ANKS1B: variants seen among roughly 807,000 people sequenced by gnomAD.
The protein encoded by ANKS1B is ankyrin repeat and sterile alpha motif domain containing 1B, also known as ankyrin repeat and sterile alpha motif domain-containing protein 1B.
A neutral mutation model predicts 148.3 loss-of-function variants in ANKS1B; 36 were observed. The observed-to-expected ratio is 0.24, with a 90% CI of 0.19 to 0.32. ANKS1B has a LOEUF of 0.32. Among genes scored for constraint, ANKS1B ranks in the 10% least tolerant of loss-of-function variants. ANKS1B has a pLI of 1.00. For missense variants in ANKS1B, 1,157 were observed against 1,542.6 expected (o/e 0.75, Z 4.19); for synonymous variants, 542 against 560.8 (o/e 0.97, Z 0.47).
At chr12:98,798,818 T>C in intron 22 of ANKS1B, 116 bp downstream of exon 22, 1 of 765,076 alleles carries the variant, frequency 1.3e-6, no homozygotes, top group Non-Finnish European at 2.1e-6. Context: ...GTAATACCAA[T>C]GTGATTCAGC....
At chr12:99,838,764 T>G (rs1048939857) in intron 1 of ANKS1B, among the ~76,000 whole-genome samples, 5 of 152,144 alleles carry the variant, frequency 3.3e-5, no homozygotes, top group Non-Finnish European at 7.4e-5. Context: ...TGAAATTTTT[T>G]AATTTCTCTC....
chr12:99,049,996 C>G (rs1430149331), intron 17 of ANKS1B, among the ~76,000 whole-genome samples: 1 of 152,182 alleles, frequency 6.6e-6, no homozygotes, highest in African/African-American at 2.4e-5. Flanking sequence ...CAATCTGGTT[C>G]CCTTAAAACT....
intron 1 of ANKS1B, among the ~76,000 whole-genome samples, chr12:99,955,073 C>T (rs947580688): frequency 6.6e-6 from 1 of 152,168 alleles, no homozygotes; most frequent in Non-Finnish European, 1.5e-5. Context: ...CTTGGGCCAT[C>T]TGACACCTAA....
intron 20 of ANKS1B, among the ~76,000 whole-genome samples, chr12:98,802,594 CTTTTTTTTTTTTTTTTTTT>C (rs397850118): frequency 2.6e-4 from 9 of 34,758 alleles, no homozygotes; most frequent in Admixed American, 1.6e-3. Flanking sequence ...AATGCACAGG[CTTTTTTTTTTTTTTTTTTT>C]TTTTTTTTTT....
chr12:99,901,719 T>C (rs1426897974), intron 1 of ANKS1B, among the ~76,000 whole-genome samples: 1 of 152,208 alleles, frequency 6.6e-6, no homozygotes, highest in Non-Finnish European at 1.5e-5. Flanking sequence ...CAGTGCTTTC[T>C]ACTACATTAT....
chr12:98,909,588 T>C (rs1022333010), intron 17 of ANKS1B, among the ~76,000 whole-genome samples: 1 of 152,154 alleles, frequency 6.6e-6, no homozygotes, highest in African/African-American at 2.4e-5. Flanking sequence ...AAGGATAAGA[T>C]GAATTGACTT....
chr12:99,452,024 A>C (rs1470725689), intron 10 of ANKS1B, among the ~76,000 whole-genome samples: 2 of 152,140 alleles, frequency 1.3e-5, no homozygotes, highest in African/African-American at 4.8e-5. Context: ...ACAATTCATG[A>C]AGCACAATTT....
chr12:99,222,996 A>G (rs2085351935), intron 14 of ANKS1B, among the ~76,000 whole-genome samples: 1 of 152,230 alleles, frequency 6.6e-6, no homozygotes, highest in Non-Finnish European at 1.5e-5. Context: ...TCATCTGTAC[A>G]CACATACATA....
At chr12:99,939,095 T>A (rs1199459978) in intron 1 of ANKS1B, among the ~76,000 whole-genome samples, 2 of 152,152 alleles carry the variant, frequency 1.3e-5, no homozygotes, top group African/African-American at 4.8e-5. Context: ...GGTTCTTTTT[T>A]AAAAAATTTC....
chr12:99,329,157 T>G (rs1206925776), intron 12 of ANKS1B, among the ~76,000 whole-genome samples: 1 of 151,924 alleles, frequency 6.6e-6, no homozygotes, highest in Non-Finnish European at 1.5e-5. Flanking sequence ...GTTTGGGGTA[T>G]GAGGACAGAA....
rs1358393260 is a variant in ANKS1B, at chr12:98,744,436, T to G, written c.*1303A>C. 1.3e-6 allele frequency: 1 copy of G among 797,442 alleles called. No homozygotes were observed. Among genetic ancestry groups the G allele is most frequent in the Non-Finnish European group, 1.5e-6 (1 of 658,378 alleles). The allele number at this position is 797,442 out of a possible 1,614,324, so 49.4% of individuals were successfully genotyped here. ...ATCGCTATAATGAACTTCAAAATGA[T>G]TCACAATATGATTGTTAGAACAATA... On this transcript the variant is annotated 3_prime_UTR_variant, in exon 27 of 27. Coordinates refer to ENST00000683438, the MANE Select transcript of ANKS1B (RefSeq NM_001352186.2).
chr12:98,941,695 G>T (rs1261579319), intron 17 of ANKS1B, among the ~76,000 whole-genome samples: 1 of 152,220 alleles, frequency 6.6e-6, no homozygotes, highest in Non-Finnish European at 1.5e-5. Flanking sequence ...CGGGACTATG[G>T]TGACATAAAC....
intron 17 of ANKS1B, among the ~76,000 whole-genome samples, chr12:98,968,920 G>C (rs1433372424): frequency 6.6e-6 from 1 of 152,158 alleles, no homozygotes. Context: ...GCACAGTAGA[G>C]ATATGTTAAT....
intron 10 of ANKS1B, among the ~76,000 whole-genome samples, chr12:99,467,626 G>T (rs997751854): frequency 1.1e-4 from 16 of 152,220 alleles, no homozygotes; most frequent in African/African-American, 3.9e-4. Context: ...AAAATCACAA[G>T]CATTCTTATA....
At chr12:98,898,084 T>G (rs2099767312) in intron 17 of ANKS1B, among the ~76,000 whole-genome samples, 1 of 152,104 alleles carries the variant, frequency 6.6e-6, no homozygotes, top group Non-Finnish European at 1.5e-5. Context: ...GGACTGAAAC[T>G]GAAAAATTAC....
chr12:99,518,699 T>G (rs904402592), intron 9 of ANKS1B, among the ~76,000 whole-genome samples: 1 of 152,114 alleles, frequency 6.6e-6, no homozygotes, highest in African/African-American at 2.4e-5. Context: ...ACTGATATCT[T>G]GTATGGATTT....
At chr12:99,864,802 C>G (rs949363702) in intron 1 of ANKS1B, among the ~76,000 whole-genome samples, 14 of 152,170 alleles carry the variant, frequency 9.2e-5, no homozygotes, top group African/African-American at 3.4e-4. Context: ...TTAGGTAAGT[C>G]TTCCTTCTGA....
chr12:99,207,318 T>C (rs2082791357), intron 14 of ANKS1B, among the ~76,000 whole-genome samples: 1 of 152,172 alleles, frequency 6.6e-6, no homozygotes, highest in African/African-American at 2.4e-5. Context: ...GCTGAACTTG[T>C]CATAGTTTAA....
At chr12:99,298,213 C>T (rs1302723573) in intron 12 of ANKS1B, among the ~76,000 whole-genome samples, 4 of 152,142 alleles carry the variant, frequency 2.6e-5, no homozygotes, top group Admixed American at 6.6e-5. Flanking sequence ...ATGTTTCCTA[C>T]GTACCAATGA....
Sources: gnomAD v4.1 joint callset for allele counts (sites outside exome capture counted in the v4.1 genomes callset) on GRCh38, gnomAD v4.1.1 for gene constraint, MANE v1.5 for transcripts, NCBI Gene and HGNC (gene_info 2026-07-23, HGNC 2026-07-21) for gene names.